ADGRB3: variants seen among roughly 807,000 people sequenced by gnomAD.
The protein encoded by ADGRB3 is adhesion G protein-coupled receptor B3.
In ADGRB3, 37 loss-of-function variants were observed where a neutral mutation model predicts 193.4. The observed-to-expected ratio is 0.19, with a 90% CI of 0.15 to 0.25. ADGRB3 has a LOEUF of 0.25. ADGRB3 is among the 10% of genes least tolerant of loss of function. The pLI is 1.00. For missense variants in ADGRB3, 1,637 were observed against 1,852.9 expected, an observed-to-expected ratio of 0.88 and a Z score of 2.14; for synonymous variants, 690 against 644.2, an observed-to-expected ratio of 1.07 and a Z score of -1.08.
chr6:69,043,708 G>C (rs1466373318), intron 13 of ADGRB3, among the ~76,000 whole-genome samples: 1 of 152,176 alleles, frequency 6.6e-6, no homozygotes, highest in African/African-American at 2.4e-5. Context: ...CTCTCCAACA[G>C]CTCAGTGAGG....
chr6:69,009,626 A>G (rs1340422033), intron 11 of ADGRB3, among the ~76,000 whole-genome samples: 1 of 152,166 alleles, frequency 6.6e-6, no homozygotes, highest in Admixed American at 6.6e-5. Flanking sequence ...GATCTATCCT[A>G]TGTTATGCAT....
At chr6:68,830,451 T>C (rs923217985) in intron 3 of ADGRB3, among the ~76,000 whole-genome samples, 1 of 152,218 alleles carries the variant, frequency 6.6e-6, no homozygotes, top group Non-Finnish European at 1.5e-5. Flanking sequence ...TTCTTCTATA[T>C]ATTATTTGCA....
At chr6:69,131,991 G>A (rs544321870) in intron 17 of ADGRB3, among the ~76,000 whole-genome samples, 345 of 152,248 alleles carry the variant, frequency 2.3e-3, no homozygotes, top group African/African-American at 7.6e-3. Flanking sequence ...ATTCCATGGC[G>A]TATATGTGCC....
intron 17 of ADGRB3, among the ~76,000 whole-genome samples, chr6:69,134,449 T>C (rs1240017360): frequency 1.3e-5 from 2 of 152,106 alleles, no homozygotes; most frequent in African/African-American, 4.8e-5. Flanking sequence ...TGTGAAAACA[T>C]ATTTGGGATT....
chr6:69,190,620 C>T (rs565840663), intron 17 of ADGRB3, among the ~76,000 whole-genome samples: 56 of 151,944 alleles, frequency 3.7e-4, no homozygotes, highest in Admixed American at 7.2e-4. Context: ...ATAAATTTAG[C>T]GTAACTTAAG....
rs1286118000 is a variant in ADGRB3, at chr6:69,018,399, A to C, written c.2007A>C (p.Pro669=). The C allele has an allele frequency of 6.3e-7, 1 of 1,591,428 alleles. No individual in the cohort carries two copies. Among genetic ancestry groups the C allele is most frequent in the Admixed American group, 1.7e-5 (1 of 58,962 alleles). ...TTTGCTTATTTTTCTAGATTTATCCAGGGTCAATAGAGTTAATGCAGGTGA... is the reference window on the plus strand; with the variant it reads ...TTTGCTTATTTTTCTAGATTTATCCCGGGTCAATAGAGTTAATGCAGGTGA... The part of the protein sequence containing the change: ...EKWEDAQQIY[P]GSIELMQVIE... The change falls in exon 13 of 32, where the codon CCA becomes CCC. Residue 669 remains proline (P), a synonymous_variant. Transcript: ENST00000370598.
intron 4 of ADGRB3, among the ~76,000 whole-genome samples, chr6:68,936,048 C>G (rs1003227123): frequency 1.3e-5 from 2 of 152,108 alleles, no homozygotes; most frequent in Non-Finnish European, 2.9e-5. Context: ...TGCGTCCAAG[C>G]TCCCAGGTTT....
intron 20 of ADGRB3, among the ~76,000 whole-genome samples, chr6:69,276,459 G>A (rs1297914759): frequency 1.3e-5 from 2 of 152,184 alleles, no homozygotes; most frequent in East Asian, 3.8e-4. Flanking sequence ...AATTAAAAAT[G>A]CTACAGGGCA....
At chr6:69,196,419 G>A (rs554242638) in intron 17 of ADGRB3, among the ~76,000 whole-genome samples, 1 of 152,130 alleles carries the variant, frequency 6.6e-6, no homozygotes, top group East Asian at 1.9e-4. Flanking sequence ...CACTTCCGCA[G>A]GCTGTGAGTT....
Position 69,133,804 on chromosome 6 carries a change from A to G in ADGRB3, c.2480+57766A>G, listed in dbSNP as rs1040833084. 1.6e-4 allele frequency among the ~76,000 whole-genome samples: 25 copies of G among 151,998 alleles called. 1 individual carries two copies. Among genetic ancestry groups the G allele is most frequent in the Admixed American group, 1.3e-3 (20 of 15,252 alleles). ...GCCCATCACCCAAGCAGTGTACTGT[A>G]CCCAATATGTGGTCTTTTATCCCTC... On this transcript the variant is annotated intron_variant, in intron 17 of 31. Transcript: ENST00000370598.
chr6:68,856,359 G>A (rs926254738), intron 3 of ADGRB3, among the ~76,000 whole-genome samples: 2 of 152,162 alleles, frequency 1.3e-5, no homozygotes, highest in East Asian at 3.8e-4. Flanking sequence ...AATGAGAAGA[G>A]GTTGGAAAGT....
chr6:68,991,560 C>T (rs757605864), intron 10 of ADGRB3, among the ~76,000 whole-genome samples: 20 of 148,646 alleles, frequency 1.3e-4, no homozygotes, highest in Non-Finnish European at 2.8e-4. Flanking sequence ...CCGCCATCCC[C>T]TCGCTCCCAC....
chr6:69,347,727 G>A (rs2127324503), intron 26 of ADGRB3, among the ~76,000 whole-genome samples: 1 of 152,214 alleles, frequency 6.6e-6, no homozygotes, highest in Middle Eastern at 3.4e-3. Flanking sequence ...CAAGACTGCA[G>A]TGAGCCATGA....
chr6:69,072,212 G>A (rs1039909715), intron 16 of ADGRB3, among the ~76,000 whole-genome samples: 1 of 152,046 alleles, frequency 6.6e-6, no homozygotes, highest in African/African-American at 2.4e-5. Context: ...GACTATACTA[G>A]AATAAATGTT....
At chr6:69,191,568 AT>A (rs1765188083) in intron 17 of ADGRB3, among the ~76,000 whole-genome samples, 1 of 152,172 alleles carries the variant, frequency 6.6e-6, no homozygotes, top group Non-Finnish European at 1.5e-5. Context: ...GTTATCTGAA[AT>A]AATTATTTTG....
rs181157576 is a variant in ADGRB3, at chr6:68,665,759, G to A, written c.757+26327G>A. The stretch of plus-strand genomic sequence containing the variant: ...TACTTTATTCTGAATATACTAATTA[G>A]GGAAATAAAATATTTCCAATAATTT... On this transcript the variant is annotated intron_variant, in intron 3 of 31. Coordinates refer to ENST00000370598, the MANE Select transcript of ADGRB3 (RefSeq NM_001704.3). 2.6e-5 allele frequency among the ~76,000 whole-genome samples: 4 copies of A among 151,592 alleles called. No individual in the cohort carries two copies. In the East Asian group the frequency reaches 7.8e-4, roughly 30 times the overall value.
Position 69,389,037 on chromosome 6 carries a change from A to G in ADGRB3, c.*146A>G. ...AACGTCAGTGGTGTTTTCATATGGT[A>G]ACTTCTCACTAGTCAGGCTAGTGGA... On this transcript the variant is annotated 3_prime_UTR_variant, in exon 32 of 32. Coordinates refer to ENST00000370598, the MANE Select transcript of ADGRB3 (RefSeq NM_001704.3). 4 of 759,300 alleles carry G rather than the reference A, an allele frequency of 5.3e-6. No individual in the cohort carries two copies. The highest frequency in any genetic ancestry group is 3.8e-5 in the South Asian group (2 of 52,626). The allele number at this position is 759,300 out of a possible 1,614,324, so 47.0% of individuals were successfully genotyped here. A position where few individuals can be genotyped will look rare whatever the true frequency, so the allele number is the denominator to read the frequency against.
intron 20 of ADGRB3, among the ~76,000 whole-genome samples, chr6:69,291,222 A>G (rs532743018): frequency 6.6e-6 from 1 of 152,272 alleles, no homozygotes; most frequent in Admixed American, 6.5e-5. Context: ...AATTCCAATA[A>G]TGCTCACTTT....
intron 17 of ADGRB3, among the ~76,000 whole-genome samples, chr6:69,151,901 G>A (rs1236562596): frequency 6.6e-6 from 1 of 152,122 alleles, no homozygotes; most frequent in Non-Finnish European, 1.5e-5. Flanking sequence ...TTCTCATGCT[G>A]TTCTTGTGAT....
Sources: allele counts gnomAD v4.1 joint callset (sites outside exome capture counted in the v4.1 genomes callset), GRCh38; gene constraint gnomAD v4.1.1; transcripts MANE v1.5; gene names NCBI Gene and HGNC (gene_info 2026-07-23, HGNC 2026-07-21).